Variants in TNFSF4 observed in about 807,000 individuals in gnomAD.
TNFSF4 encodes the protein TNF superfamily member 4.
Under a neutral mutation model 7.3 loss-of-function variants are expected in TNFSF4, and 4 were observed. The ratio of observed to expected loss-of-function variants is 0.55; its 90% CI spans 0.27 to 1.25. TNFSF4 has a LOEUF of 1.25. Among genes scored for constraint, TNFSF4 ranks in the 50% most tolerant of loss-of-function variants. TNFSF4 has a pLI of 0.12. For synonymous variants in TNFSF4, 76 were observed against 83.7 expected, an observed-to-expected ratio of 0.91 and a Z score of 0.50; for missense variants, 181 against 208.8, an observed-to-expected ratio of 0.87 and a Z score of 0.82.
chr1:173,384,576 A>G, the TNFSF4 span, among the ~76,000 whole-genome samples: 1 of 152,120 alleles, frequency 6.6e-6, no homozygotes, highest in East Asian at 1.9e-4. Flanking sequence ...CTCTTCCAGC[A>G]CCAGAGCATA....
chr1:173,225,245 G>A, the TNFSF4 span, among the ~76,000 whole-genome samples: 1 of 152,168 alleles, frequency 6.6e-6, no homozygotes, highest in African/African-American at 2.4e-5. Flanking sequence ...CCAGGAGAAA[G>A]GGAAGTCACA....
the TNFSF4 span, among the ~76,000 whole-genome samples, chr1:173,259,397 C>A: frequency 6.6e-6 from 1 of 152,188 alleles, no homozygotes; most frequent in Non-Finnish European, 1.5e-5. Context: ...AGAGTTAATA[C>A]AAAAATGCTG....
chr1:173,178,207 T>C, the TNFSF4 span, among the ~76,000 whole-genome samples: 1 of 152,224 alleles, frequency 6.6e-6, no homozygotes, highest in Non-Finnish European at 1.5e-5. Context: ...TTAGTTACTT[T>C]AGCTGTCTGG....
the TNFSF4 span, among the ~76,000 whole-genome samples, chr1:173,339,543 T>A: frequency 6.6e-6 from 1 of 152,338 alleles, no homozygotes; most frequent in Non-Finnish European, 1.5e-5. Context: ...TATGATTGTA[T>A]GCATAGTAAA....
the TNFSF4 span, among the ~76,000 whole-genome samples, chr1:173,309,350 T>C: frequency 3.9e-5 from 6 of 151,988 alleles, no homozygotes; most frequent in Non-Finnish European, 8.8e-5. Context: ...TGCTATTTTT[T>C]TAACTATGTA....
At chr1:173,423,294 CAAG>C in the TNFSF4 span, among the ~76,000 whole-genome samples, 3 of 152,100 alleles carry the variant, frequency 2.0e-5, no homozygotes, top group African/African-American at 7.2e-5. Flanking sequence ...TAGCCAATAA[CAAG>C]AAGAGTAGAA....
the TNFSF4 span, among the ~76,000 whole-genome samples, chr1:173,443,864 C>T: frequency 6.6e-6 from 1 of 152,206 alleles, no homozygotes; most frequent in Non-Finnish European, 1.5e-5. Context: ...GAGTTCACTT[C>T]AGTGCTGACT....
At chr1:173,268,122 A>T in the TNFSF4 span, among the ~76,000 whole-genome samples, 1 of 151,892 alleles carries the variant, frequency 6.6e-6, no homozygotes, top group African/African-American at 2.4e-5. Context: ...AAATCAAGAG[A>T]ATTTGTTTCT....
At chr1:173,324,957 C>A in the TNFSF4 span, among the ~76,000 whole-genome samples, 15 of 152,228 alleles carry the variant, frequency 9.9e-5, no homozygotes, top group South Asian at 1.5e-3. Flanking sequence ...CAGATCAACG[C>A]AACAGAAAGT....
At chr1:173,359,821 C>T in the TNFSF4 span, among the ~76,000 whole-genome samples, 4 of 152,222 alleles carry the variant, frequency 2.6e-5, no homozygotes, top group South Asian at 2.1e-4. Flanking sequence ...GTACTGCACA[C>T]GGGGGCAAAT....
At chr1:173,444,943 C>G in the TNFSF4 span, among the ~76,000 whole-genome samples, 10 of 152,164 alleles carry the variant, frequency 6.6e-5, no homozygotes, top group Non-Finnish European at 1.5e-4. Flanking sequence ...ACAGGCTTTA[C>G]CCGCTCAGCC....
At chr1:173,221,714 C>T in the TNFSF4 span, among the ~76,000 whole-genome samples, 1 of 152,142 alleles carries the variant, frequency 6.6e-6, no homozygotes, top group Non-Finnish European at 1.5e-5. Context: ...ATCCAAGAGT[C>T]ATTTTCTTTT....
At chr1:173,330,239 G>GTA in the TNFSF4 span, among the ~76,000 whole-genome samples, 1 of 151,736 alleles carries the variant, frequency 6.6e-6, no homozygotes, top group Non-Finnish European at 1.5e-5. Context: ...ATTAATATTG[G>GTA]TATTAATAAT....
the TNFSF4 span, among the ~76,000 whole-genome samples, chr1:173,305,661 A>G: frequency 1.3e-5 from 2 of 151,764 alleles, no homozygotes; most frequent in Admixed American, 1.3e-4. Flanking sequence ...TTATACTGCT[A>G]TAAAGATATT....
At chr1:173,282,889 TAC>T in the TNFSF4 span, among the ~76,000 whole-genome samples, 1 of 152,338 alleles carries the variant, frequency 6.6e-6, no homozygotes, top group Non-Finnish European at 1.5e-5. Flanking sequence ...ATATGTTATA[TAC>T]AGAGACCAAC....
the TNFSF4 span, among the ~76,000 whole-genome samples, chr1:173,286,459 G>GT: frequency 2.6e-5 from 4 of 152,276 alleles, no homozygotes; most frequent in South Asian, 8.3e-4. Context: ...CACATATACA[G>GT]TCACCTGATT....
chr1:173,308,940 T>C, the TNFSF4 span, among the ~76,000 whole-genome samples: 2 of 152,044 alleles, frequency 1.3e-5, no homozygotes, highest in East Asian at 1.9e-4. Flanking sequence ...TCACACAGCA[T>C]CCTTCCACTG....
At chr1:173,198,480 A>G (rs553179859) in intron 1 of TNFSF4, among the ~76,000 whole-genome samples, 1 of 152,272 alleles carries the variant, frequency 6.6e-6, no homozygotes, top group Admixed American at 6.5e-5. Flanking sequence ...TTTTTCCCCA[A>G]GTGGCTCCCT....
the TNFSF4 span, among the ~76,000 whole-genome samples, chr1:173,302,353 G>A: frequency 6.6e-6 from 1 of 151,920 alleles, no homozygotes; most frequent in Non-Finnish European, 1.5e-5. Flanking sequence ...GACACTGATT[G>A]TAGAGAGTTC....
Sources: gnomAD v4.1 joint callset for allele counts (sites outside exome capture counted in the v4.1 genomes callset) on GRCh38, gnomAD v4.1.1 for gene constraint, MANE v1.5 for transcripts, NCBI Gene and HGNC (gene_info 2026-07-23, HGNC 2026-07-21) for gene names.